CBR4: variants seen among roughly 807,000 people sequenced by gnomAD.
CBR4 encodes the protein carbonyl reductase 4, also known as 3-oxoacyl-[acyl-carrier-protein] reductase.
Under a neutral mutation model 21.0 loss-of-function variants are expected in CBR4, and 22 were observed. The observed-to-expected ratio is 1.05, with a 90% CI of 0.75 to 1.50. The LOEUF is 1.50. CBR4 is among the 40% of genes most tolerant of loss of function. The pLI, the probability that CBR4 is intolerant of heterozygous loss-of-function variation, is 0.00. For missense variants in CBR4, 302 were observed against 286.3 expected, an observed-to-expected ratio of 1.05 and a Z score of -0.40; for synonymous variants, 100 against 104.4, an observed-to-expected ratio of 0.96 and a Z score of 0.26.
At chr4:168,894,858 G>T in intron 2 of CBR4, 3 of 907,486 alleles carry the variant, frequency 3.3e-6, no homozygotes, top group Non-Finnish European at 4.9e-6. Context: ...ACTATGTTAA[G>T]TGACTGACAG....
In CBR4 at chr4:168,989,674, A is replaced by T. The variant is rs1764816323; in HGVS notation, c.*476T>A. The T allele has an allele frequency of 1.0e-6, 1 of 983,400 alleles. No individual in the cohort carries two copies. The highest frequency in any genetic ancestry group is 1.2e-6 in the Non-Finnish European group (1 of 828,184). 60.9% of individuals were successfully genotyped at this position (983,400 alleles called of 1,614,324 possible). ...TTGATACAAGAAAATAATTCATCAT[A>T]ATTAGACAATATAATTTTTCCACTT... On this transcript the variant is annotated 3_prime_UTR_variant, in exon 5 of 5. Transcript: ENST00000306193.
At chr4:168,945,476 T>G (rs531976765) in intron 2 of CBR4, among the ~76,000 whole-genome samples, 1 of 152,324 alleles carries the variant, frequency 6.6e-6, no homozygotes, top group South Asian at 2.1e-4. Flanking sequence ...CTAATGAGAT[T>G]ATCTTCAGGG....
At chr4:168,945,959 C>A (rs945922929) in intron 2 of CBR4, among the ~76,000 whole-genome samples, 1 of 152,058 alleles carries the variant, frequency 6.6e-6, no homozygotes, top group East Asian at 1.9e-4. Context: ...GAAAAACAAC[C>A]AAACTTCCAT....
chr4:168,894,570 G>A lies in CBR4; in HGVS notation n.365C>T, dbSNP rs368890611. On this transcript the variant is annotated splice_region_variant and non_coding_transcript_exon_variant, in exon 3 of 4. Coordinates refer to the CBR4 transcript ENST00000509108. ...TAATTTTGTATTTTTTGTGACTTAC[G>A]TTGTTTAGAGGTTAACATACGAAGA... 77 of 1,590,328 alleles carry A rather than the reference G, an allele frequency of 4.8e-5. No homozygotes were observed. Among genetic ancestry groups the A allele is most frequent in the African/African-American group, 4.4e-4 (33 of 74,284 alleles).
intron 2 of CBR4, among the ~76,000 whole-genome samples, chr4:168,972,784 T>C (rs560962051): frequency 1.3e-5 from 2 of 152,212 alleles, no homozygotes; most frequent in Non-Finnish European, 2.9e-5. Flanking sequence ...TCTTGTCTGA[T>C]TGCTCTGGCT....
intron 2 of CBR4, among the ~76,000 whole-genome samples, chr4:168,974,117 GT>G (rs1293475326): frequency 6.6e-6 from 1 of 152,082 alleles, no homozygotes; most frequent in Non-Finnish European, 1.5e-5. Flanking sequence ...TGCTGGCTTG[GT>G]AGTGGCGAAT....
chr4:168,966,481 C>T (rs1490443408), intron 2 of CBR4, among the ~76,000 whole-genome samples: 1 of 149,984 alleles, frequency 6.7e-6, no homozygotes, highest in African/African-American at 2.5e-5. Context: ...GAGCCGAGAT[C>T]GCACCACTGC....
intron 2 of CBR4, among the ~76,000 whole-genome samples, chr4:168,964,863 C>A (rs1044505502): frequency 1.3e-5 from 2 of 152,184 alleles, no homozygotes; most frequent in African/African-American, 4.8e-5. Flanking sequence ...GAACCAGACT[C>A]TAAGGCTTAT....
downstream of CBR4, among the ~76,000 whole-genome samples, chr4:168,985,863 A>AC (rs1188670133): frequency 6.6e-6 from 1 of 152,162 alleles, no homozygotes; most frequent in Non-Finnish European, 1.5e-5. Context: ...CCCTGAGTAT[A>AC]CATGGACACA....
At chr4:168,945,094 G>A (rs964331364) in intron 2 of CBR4, among the ~76,000 whole-genome samples, 1 of 152,138 alleles carries the variant, frequency 6.6e-6, no homozygotes, top group African/African-American at 2.4e-5. Context: ...GTATACAGCA[G>A]TACTCCAAGT....
intron 2 of CBR4, among the ~76,000 whole-genome samples, chr4:168,953,214 A>G (rs1222061734): frequency 1.3e-5 from 2 of 152,136 alleles, no homozygotes; most frequent in Non-Finnish European, 2.9e-5. Context: ...CAGCAGTCAC[A>G]GGCCTCACTC....
At position 169,007,802 on chromosome 4, in the gene CBR4, A is replaced by G. The variant is rs1369453888; in HGVS notation, c.143-46T>C. On this transcript the variant is annotated intron_variant, in intron 1 of 4. Transcript: ENST00000306193. ...AGAATTACTTATAACTCAAATTTTA[A>G]ATTTACTCAATACACATTTGTTAAG... 4 of 1,365,694 alleles carry G rather than the reference A, an allele frequency of 2.9e-6. No homozygotes were observed. In the African/African-American group the frequency reaches 4.4e-5, roughly 15 times the overall value. 84.6% of individuals were successfully genotyped at this position (1,365,694 alleles called of 1,614,324 possible). A position where few individuals can be genotyped will look rare whatever the true frequency, so the allele number is the denominator to read the frequency against.
chr4:168,953,266 G>GCC (rs578255991), intron 2 of CBR4, among the ~76,000 whole-genome samples: 19 of 152,156 alleles, frequency 1.2e-4, no homozygotes, highest in Admixed American at 9.2e-4. Flanking sequence ...CTCCCACCGT[G>GCC]CCCCCCCGCA....
Position 168,915,974 on chromosome 4 carries a change from G to A in CBR4, n.170-21209C>T, listed in dbSNP as rs755556663. 3 of 1,613,420 alleles carry A rather than the reference G, an allele frequency of 1.9e-6. No homozygotes were observed. In the African/African-American group the frequency reaches 4.0e-5, roughly 22 times the overall value. ...ATTCTTCAGACCTCACTTCTTGCAG[G>A]CTCCTGGAGATCTGACTGTTCAAGA... On this transcript the variant is annotated intron_variant and non_coding_transcript_variant, in intron 2 of 3. Coordinates refer to the CBR4 transcript ENST00000509108.
chr4:168,918,190 CAAA>C (rs567095866), intron 2 of CBR4, among the ~76,000 whole-genome samples: 2 of 118,060 alleles, frequency 1.7e-5, no homozygotes, highest in Non-Finnish European at 1.8e-5. Context: ...GTCTCCCCCA[CAAA>C]AAAAAAAAAA....
downstream of CBR4, among the ~76,000 whole-genome samples, chr4:168,982,655 A>T (rs748328673): frequency 5.9e-5 from 9 of 152,178 alleles, no homozygotes; most frequent in Non-Finnish European, 1.3e-4. Flanking sequence ...TCTAAAACTG[A>T]CTACACACTG....
At chr4:168,941,105 G>C (rs1332413891) in intron 2 of CBR4, among the ~76,000 whole-genome samples, 1 of 152,100 alleles carries the variant, frequency 6.6e-6, no homozygotes, top group Non-Finnish European at 1.5e-5. Context: ...AACACCACAT[G>C]TTCTCACTCA....
At chr4:168,915,774 G>T (rs2151422991) in intron 2 of CBR4, 1 of 751,228 alleles carries the variant, frequency 1.3e-6, no homozygotes, top group Admixed American at 2.2e-5. Flanking sequence ...AATCTTAGCT[G>T]TAGGGATCAG....
intron 2 of CBR4, among the ~76,000 whole-genome samples, chr4:168,918,490 C>CTCAT (rs903679596): frequency 6.6e-6 from 1 of 152,020 alleles, no homozygotes; most frequent in African/African-American, 2.4e-5. Flanking sequence ...AAAAGTTGAA[C>CTCAT]TCATAGTAGA....
Sources: gnomAD v4.1 joint callset for allele counts (sites outside exome capture counted in the v4.1 genomes callset) on GRCh38, gnomAD v4.1.1 for gene constraint, MANE v1.5 for transcripts, NCBI Gene and HGNC (gene_info 2026-07-23, HGNC 2026-07-21) for gene names.